The following CCBE1 variants were observed in gnomAD, a reference collection of about 807,000 sequenced individuals.
The protein encoded by CCBE1 is collagen and calcium-binding EGF domain-containing protein 1.
A neutral mutation model predicts 50.0 loss-of-function variants in CCBE1; 37 were observed. The ratio of observed to expected loss-of-function variants is 0.74; its 90% confidence interval spans 0.57 to 0.97. The LOEUF (loss-of-function observed/expected upper bound fraction) is 0.97, where lower values mean the gene tolerates loss of function less well. Ranked by LOEUF, CCBE1 falls within the 50% of genes least tolerant of loss-of-function variation. The probability of loss-of-function intolerance (pLI) is 0.00; values close to 1 mark genes in which losing one functional copy is unlikely to be tolerated. For missense variants in CCBE1, 538 were observed against 523.8 expected (o/e 1.03, Z -0.26); for synonymous variants, 234 against 203.7 (o/e 1.15, Z -1.27).
chr18:59,669,416 G>A (rs1285521848), intron 2 of CCBE1, among the ~76,000 whole-genome samples: 1 of 152,146 alleles, frequency 6.6e-6, no homozygotes, highest in African/African-American at 2.4e-5. Flanking sequence ...CAGCTCCTTG[G>A]CTTCCTCCTT....
At chr18:59,517,732 A>T (rs1429736032) in intron 2 of CCBE1, among the ~76,000 whole-genome samples, 1 of 151,994 alleles carries the variant, frequency 6.6e-6, no homozygotes. Flanking sequence ...CAAAGCAGCA[A>T]GTTTTCAGAG....
At chr18:59,588,739 T>G (rs1195337427) in intron 2 of CCBE1, among the ~76,000 whole-genome samples, 1 of 152,154 alleles carries the variant, frequency 6.6e-6, no homozygotes, top group Non-Finnish European at 1.5e-5. Context: ...GAACCAGAAG[T>G]GCTTCTCAGA....
At chr18:59,643,421 G>A (rs185571409) in intron 2 of CCBE1, among the ~76,000 whole-genome samples, 23 of 152,266 alleles carry the variant, frequency 1.5e-4, no homozygotes, top group South Asian at 1.5e-3. Flanking sequence ...TAGGACACTC[G>A]ATATCCCAAA....
At chr18:59,630,900 A>T (rs546090322) in intron 2 of CCBE1, among the ~76,000 whole-genome samples, 1 of 152,354 alleles carries the variant, frequency 6.6e-6, no homozygotes, top group South Asian at 2.1e-4. Context: ...GAGATCTAGC[A>T]ATGTGCAAAC....
At chr18:59,671,255 T>G (rs762947942) in intron 2 of CCBE1, among the ~76,000 whole-genome samples, 28 of 151,794 alleles carry the variant, frequency 1.8e-4, no homozygotes, top group Non-Finnish European at 3.7e-4. Context: ...TCCCAGCACT[T>G]TGGGAGGCAG....
intron 2 of CCBE1, among the ~76,000 whole-genome samples, chr18:59,584,469 G>C (rs1424587327): frequency 6.6e-6 from 1 of 151,912 alleles, no homozygotes; most frequent in Non-Finnish European, 1.5e-5. Context: ...CCTGTACATT[G>C]TGCACATGCA....
At chr18:59,672,793 T>C (rs2054451427) in intron 2 of CCBE1, among the ~76,000 whole-genome samples, 1 of 152,184 alleles carries the variant, frequency 6.6e-6, no homozygotes, top group Non-Finnish European at 1.5e-5. Flanking sequence ...AAACTGTATT[T>C]TATAAGTGGG....
At chr18:59,513,396 G>A (rs6567095) in intron 2 of CCBE1, among the ~76,000 whole-genome samples, 99,599 of 152,198 alleles carry the variant, frequency 0.65, 33,622 homozygotes, top group African/African-American at 0.83. Flanking sequence ...CCCCAAAGGA[G>A]GGACAAGTCC....
rs74436763 is a variant in CCBE1, at chr18:59,575,876, T to G, written c.213-95638A>C. Among the ~76,000 whole-genome samples, 22 of 152,316 alleles carry G rather than the reference T, an allele frequency of 1.4e-4. No homozygotes were observed. The East Asian group carries it at 4.2e-3, about 29-fold the overall frequency. On this transcript the variant is annotated intron_variant, in intron 2 of 10. Transcript: ENST00000439986. ...ATAGATGGAGTTCTGCTGGAATCGATAAGTATACAGCCAGTAACTACCATC... is the reference window on the plus strand; with the variant it reads ...ATAGATGGAGTTCTGCTGGAATCGAGAAGTATACAGCCAGTAACTACCATC...
intron 2 of CCBE1, among the ~76,000 whole-genome samples, chr18:59,483,925 T>G (rs1912694720): frequency 6.6e-6 from 1 of 152,190 alleles, no homozygotes; most frequent in South Asian, 2.1e-4. Flanking sequence ...AAATCATCCA[T>G]CCAATTTACC....
At chr18:59,494,281 G>C (rs544745296) in intron 2 of CCBE1, among the ~76,000 whole-genome samples, 2 of 152,142 alleles carry the variant, frequency 1.3e-5, no homozygotes, top group Non-Finnish European at 2.9e-5. Context: ...GCCCCTCCAG[G>C]GTGGCCCAAA....
intron 2 of CCBE1, among the ~76,000 whole-genome samples, chr18:59,665,052 T>G (rs1399824350): frequency 6.6e-6 from 1 of 152,052 alleles, no homozygotes; most frequent in Admixed American, 6.6e-5. Flanking sequence ...CTAGTGCAAT[T>G]TTTTCCTCAT....
chr18:59,610,205 G>A (rs928282034), intron 2 of CCBE1, among the ~76,000 whole-genome samples: 3 of 152,188 alleles, frequency 2.0e-5, no homozygotes, highest in African/African-American at 4.8e-5. Context: ...GCTGAAATGA[G>A]GAAGGGATGA....
chr18:59,625,430 C>CAAA (rs750324482), intron 2 of CCBE1, among the ~76,000 whole-genome samples: 44 of 69,820 alleles, frequency 6.3e-4, no homozygotes, highest in South Asian at 1.9e-3. Flanking sequence ...GATTCTGTCT[C>CAAA]AAAAAAAAAA....
chr18:59,670,763 C>T (rs930679405), intron 2 of CCBE1, among the ~76,000 whole-genome samples: 5 of 152,104 alleles, frequency 3.3e-5, no homozygotes, highest in Admixed American at 3.3e-4. Context: ...GCCTGGCCAA[C>T]ATGGTGAAAT....
intron 2 of CCBE1, among the ~76,000 whole-genome samples, chr18:59,642,373 G>C (rs1334444990): frequency 1.3e-5 from 2 of 152,122 alleles, no homozygotes; most frequent in Admixed American, 6.5e-5. Flanking sequence ...TTCTTCCATT[G>C]CTAGTGGGAG....
At chr18:59,456,377 T>C (rs1911194623) in intron 5 of CCBE1, among the ~76,000 whole-genome samples, 1 of 152,244 alleles carries the variant, frequency 6.6e-6, no homozygotes, top group Non-Finnish European at 1.5e-5. Flanking sequence ...GATGAAGTTA[T>C]ACTGGAGTAA....
intron 2 of CCBE1, among the ~76,000 whole-genome samples, chr18:59,541,557 G>A (rs1398500754): frequency 6.6e-6 from 1 of 152,152 alleles, no homozygotes; most frequent in African/African-American, 2.4e-5. Context: ...TCCAGAAAAG[G>A]GGGGTATAGT....
At chr18:59,663,990 G>T (rs903253827) in intron 2 of CCBE1, among the ~76,000 whole-genome samples, 5 of 152,150 alleles carry the variant, frequency 3.3e-5, no homozygotes, top group Non-Finnish European at 5.9e-5. Context: ...TGTTCAGGCT[G>T]CACTAACAAC....
Sources: allele counts gnomAD v4.1 joint callset (sites outside exome capture counted in the v4.1 genomes callset), GRCh38; gene constraint gnomAD v4.1.1; transcripts MANE v1.5; gene names NCBI Gene and HGNC (gene_info 2026-07-23, HGNC 2026-07-21).